Variants in SHOX observed in about 807,000 individuals in gnomAD.
SHOX encodes the protein SHOX homeobox.
In SHOX, 12 loss-of-function variants were observed where a neutral mutation model predicts 29.6. The ratio of observed to expected loss-of-function variants is 0.41; its 90% CI spans 0.26 to 0.66. SHOX has a LOEUF of 0.66. Among genes scored for constraint, SHOX ranks in the 30% least tolerant of loss-of-function variants. The pLI, the probability that SHOX is intolerant of heterozygous loss-of-function variation, is 0.35. For synonymous variants in SHOX, 214 were observed against 200.6 expected (o/e 1.07, Z -0.57); for missense variants, 499 against 437.7 (o/e 1.14, Z -1.25).
At chrX:658,672 G>C (rs111231543) in intron 5 of SHOX, 1 of 199,186 alleles carries the variant, frequency 5.0e-6, no homozygotes, top group Non-Finnish European at 1.1e-5. Context: ...GGGTTTCACC[G>C]TGTTAGCCAG....
chrX:627,567 G>A (rs2052560789), upstream of SHOX, among the ~76,000 whole-genome samples: 1 of 152,198 alleles, frequency 6.6e-6, no homozygotes, highest in Admixed American at 6.5e-5. Context: ...TGAATCGGAC[G>A]TGCGTGATTT....
chrX:633,305 C>T (rs1464972680), intron 1 of SHOX, among the ~76,000 whole-genome samples: 1 of 152,026 alleles, frequency 6.6e-6, no homozygotes, highest in Non-Finnish European at 1.5e-5. Context: ...CAGTTGGGCT[C>T]AATTCCTGGG....
chrX:656,446 A>G (rs79881256), downstream of SHOX, among the ~76,000 whole-genome samples: 28,759 of 151,268 alleles, frequency 0.19, 2,772 homozygotes, highest in African/African-American at 0.21. Context: ...GTGCTGGCTG[A>G]TGCCTGTAAT....
Position 645,449 on chromosome X carries a change from A to G in SHOX, c.*813A>G, listed in dbSNP as rs2052950638. ...GCTGTGTTACAGGATTCAGACGCAA[A>G]AGACTTGCATAAGAGACGGACGCGT... On this transcript the variant is annotated 3_prime_UTR_variant, in exon 5 of 5. Coordinates refer to ENST00000686671, the MANE Select transcript of SHOX (RefSeq NM_000451.4). 1 of 132,596 alleles carries G rather than the reference A, an allele frequency of 7.5e-6. No individual in the cohort carries two copies. The highest frequency in any genetic ancestry group is 1.5e-5 in the Non-Finnish European group (1 of 65,382). The allele number at this position is 132,596 out of a possible 1,614,324, so 8.2% of individuals were successfully genotyped here. A position where few individuals can be genotyped will look rare whatever the true frequency, so the allele number is the denominator to read the frequency against.
downstream of SHOX, among the ~76,000 whole-genome samples, chrX:652,464 G>C (rs2053081131): frequency 6.6e-6 from 1 of 151,472 alleles, no homozygotes; most frequent in Admixed American, 6.6e-5. Context: ...GGAGGGAAGT[G>C]GGGGAGGGAC....
At chrX:655,610 CTCTCTATATATA>C (rs1259056529), downstream of SHOX, among the ~76,000 whole-genome samples, 20 of 19,132 alleles carry the variant, frequency 1.0e-3, no homozygotes, top group East Asian at 6.6e-3. Context: ...CTCTCTCTCT[CTCTCTATATATA>C]TATATATATA....
chrX:637,903 G>C (rs758756018), intron 2 of SHOX, among the ~76,000 whole-genome samples: 15 of 152,278 alleles, frequency 9.9e-5, no homozygotes, highest in African/African-American at 3.4e-4. Flanking sequence ...TTTATTTTTA[G>C]CGTGGCCCTG....
intron 1 of SHOX, chrX:631,961 G>T (rs1280447882): frequency 2.2e-6 from 1 of 456,010 alleles, no homozygotes; most frequent in Non-Finnish European, 4.4e-6. Context: ...GGCCCCCGGA[G>T]ATCACGGGAA....
chrX:635,785 G>A (rs1270173895), intron 2 of SHOX, among the ~76,000 whole-genome samples: 2 of 152,086 alleles, frequency 1.3e-5, no homozygotes, highest in Non-Finnish European at 1.5e-5. Flanking sequence ...CTGCCTGACA[G>A]TTCAGCTCCC....
chrX:626,762 C>G (rs1335704503), upstream of SHOX, among the ~76,000 whole-genome samples: 25 of 151,006 alleles, frequency 1.7e-4, no homozygotes, highest in African/African-American at 5.8e-4. Context: ...CTCTGTCTCT[C>G]TTTCTCTCCT....
upstream of SHOX, among the ~76,000 whole-genome samples, chrX:625,888 CCTCT>C (rs777237891): frequency 5.1e-5 from 6 of 118,412 alleles, no homozygotes; most frequent in South Asian, 9.3e-4. Context: ...TTCTCTCTCT[CCTCT>C]CTCTCTTTCT....
In SHOX at chrX:648,911, T is replaced by TCTTCCTTC. The variant is rs2053005178; in HGVS notation, c.*4278_*4279insCCTTCCTT. Among the ~76,000 whole-genome samples, 1 of 127,418 alleles carries TCTTCCTTC rather than the reference T, an allele frequency of 7.8e-6. No individual in the cohort carries two copies. Among genetic ancestry groups the TCTTCCTTC allele is most frequent in the East Asian group, 2.2e-4 (1 of 4,478 alleles). The allele number at this position is 127,418 out of a possible 152,430, so 83.6% of individuals were successfully genotyped here. ...CTTCTCCTTCCTTCCTTCCTTCCTTTCTTTCTTTTTCTTTCTTTCTCTCTT... is the reference window on the plus strand; with the variant it reads ...CTTCTCCTTCCTTCCTTCCTTCCTTTCTTCCTTCCTTTCTTTTTCTTTCTTTCTCTCTT... On this transcript the variant is annotated 3_prime_UTR_variant, in exon 5 of 5. Transcript: ENST00000686671.
chrX:641,539 C>T (rs1289618133), intron 4 of SHOX, among the ~76,000 whole-genome samples: 2 of 151,978 alleles, frequency 1.3e-5, no homozygotes, highest in African/African-American at 4.8e-5. Context: ...AAACACAAAG[C>T]TTAGCCGGGC....
At chrX:658,620 G>GTCA (rs2053181032) in intron 5 of SHOX, among the ~76,000 whole-genome samples, 1 of 148,306 alleles carries the variant, frequency 6.7e-6, no homozygotes, top group Non-Finnish European at 1.5e-5. Context: ...ACAGGCGCCC[G>GTCA]CCACCGCGCC....
chrX:639,050 C>T (rs2052804333), intron 2 of SHOX, among the ~76,000 whole-genome samples: 1 of 152,162 alleles, frequency 6.6e-6, no homozygotes, highest in East Asian at 1.9e-4. Flanking sequence ...CACTCTCCAG[C>T]TGGTCTGTCT....
At chrX:631,200 A>C (rs752254284) in intron 1 of SHOX, 26 bp downstream of exon 1, 4 of 1,610,904 alleles carry the variant, frequency 2.5e-6, no homozygotes, top group Non-Finnish European at 3.4e-6. Flanking sequence ...CTCCGGCTCC[A>C]GGGGGGCCCT....
At chrX:639,009 C>G (rs2052803814) in intron 2 of SHOX, among the ~76,000 whole-genome samples, 1 of 152,070 alleles carries the variant, frequency 6.6e-6, no homozygotes, top group African/African-American at 2.4e-5. Flanking sequence ...GGGGTGGTGT[C>G]CAGATTACCA....
At chrX:628,481 G>C (rs1230567477), upstream of SHOX, among the ~76,000 whole-genome samples, 4 of 74,274 alleles carry the variant, frequency 5.4e-5, no homozygotes, top group Admixed American at 1.3e-4. Context: ...CTCTCCCTGT[G>C]TTTCTCTCTC....
chrX:636,341 T>TATAAATATATAAAC (rs1556463148), intron 2 of SHOX, among the ~76,000 whole-genome samples: 11 of 132,286 alleles, frequency 8.3e-5, no homozygotes, highest in South Asian at 6.8e-4. Context: ...CATATAAACA[T>TATAAATATATAAAC]ATATAAATAT....
Sources: allele counts gnomAD v4.1 joint callset (sites outside exome capture counted in the v4.1 genomes callset), GRCh38; gene constraint gnomAD v4.1.1; transcripts MANE v1.5; gene names NCBI Gene and HGNC (gene_info 2026-07-23, HGNC 2026-07-21).